CELF4: variants seen among roughly 807,000 people sequenced by gnomAD.
CELF4 encodes the protein CUGBP Elav-like family member 4.
A neutral mutation model predicts 59.9 loss-of-function variants in CELF4; 18 were observed. The ratio of observed to expected loss-of-function variants is 0.30; its 90% confidence interval spans 0.21 to 0.45. The LOEUF is 0.45. Among genes scored for constraint, CELF4 ranks in the 20% least tolerant of loss-of-function variants. The pLI is 1.00. For synonymous variants in CELF4, 261 were observed against 267.1 expected, an observed-to-expected ratio of 0.98 and a Z score of 0.22; for missense variants, 456 against 689.0, an observed-to-expected ratio of 0.66 and a Z score of 3.79.
intron 2 of CELF4, among the ~76,000 whole-genome samples, chr18:37,325,141 G>A (rs2097261252): frequency 6.7e-6 from 1 of 148,470 alleles, no homozygotes; most frequent in Admixed American, 6.9e-5. Context: ...AATCTGTTGG[G>A]CTTTGTCGCT....
chr18:37,503,430 A>G (rs924156458), intron 1 of CELF4, among the ~76,000 whole-genome samples: 1 of 152,174 alleles, frequency 6.6e-6, no homozygotes, highest in African/African-American at 2.4e-5. Flanking sequence ...CCTGCTGTCG[A>G]GTCACGAGTG....
At chr18:37,420,088 C>T (rs1214299040) in intron 2 of CELF4, among the ~76,000 whole-genome samples, 1 of 152,210 alleles carries the variant, frequency 6.6e-6, no homozygotes, top group Non-Finnish European at 1.5e-5. Context: ...GGACCGAGGC[C>T]ATCCAAGCCC....
At chr18:37,311,827 A>G (rs528086672) in intron 3 of CELF4, among the ~76,000 whole-genome samples, 14 of 133,984 alleles carry the variant, frequency 1.0e-4, no homozygotes, top group African/African-American at 3.9e-4. Flanking sequence ...AGGAACAGGG[A>G]TCGTCCGGGC....
intron 2 of CELF4, among the ~76,000 whole-genome samples, chr18:37,407,719 CG>C (rs1261600650): frequency 6.6e-6 from 1 of 151,956 alleles, no homozygotes; most frequent in Admixed American, 6.6e-5. Context: ...GTTTAATATA[CG>C]AAGTGAAATG....
chr18:37,347,492 C>A (rs1482030128), intron 2 of CELF4, among the ~76,000 whole-genome samples: 1 of 152,156 alleles, frequency 6.6e-6, no homozygotes, highest in Non-Finnish European at 1.5e-5. Flanking sequence ...CCCAGAGAGG[C>A]CCTGCCTCAC....
intron 2 of CELF4, among the ~76,000 whole-genome samples, chr18:37,338,759 C>CGTGTGT (rs60532435): frequency 0.07 from 10,104 of 145,276 alleles, 534 homozygotes; most frequent in African/African-American, 0.15. Context: ...ATGCAGGAGC[C>CGTGTGT]GTGTGTGTGT....
chr18:37,376,210 G>A (rs1388037053), intron 2 of CELF4, among the ~76,000 whole-genome samples: 1 of 152,072 alleles, frequency 6.6e-6, no homozygotes, highest in Non-Finnish European at 1.5e-5. Context: ...TTTCCCAAAT[G>A]GCAGCCTCCC....
intron 2 of CELF4, among the ~76,000 whole-genome samples, chr18:37,444,644 A>ACACACACG (rs1557426533): frequency 6.7e-6 from 1 of 149,742 alleles, no homozygotes; most frequent in Non-Finnish European, 1.5e-5. Flanking sequence ...ACACACACAC[A>ACACACACG]CACACACACG....
intron 3 of CELF4, among the ~76,000 whole-genome samples, chr18:37,283,851 A>G (rs2094431427): frequency 2.3e-5 from 2 of 88,832 alleles, no homozygotes; most frequent in South Asian, 8.1e-4. Flanking sequence ...ACTGCGGGCC[A>G]GGGAACAGCA....
At chr18:37,419,342 C>A (rs1305911764) in intron 2 of CELF4, among the ~76,000 whole-genome samples, 1 of 152,160 alleles carries the variant, frequency 6.6e-6, no homozygotes, top group Non-Finnish European at 1.5e-5. Flanking sequence ...GGAGGTTAGT[C>A]CTTCTGGAAT....
intron 2 of CELF4, among the ~76,000 whole-genome samples, chr18:37,414,965 T>A (rs577039292): frequency 1.3e-5 from 2 of 152,342 alleles, no homozygotes; most frequent in Admixed American, 6.5e-5. Context: ...CCTTTCTTAT[T>A]GTACTCAAAG....
intron 2 of CELF4, among the ~76,000 whole-genome samples, chr18:37,440,601 GC>G (rs1478711592): frequency 2.0e-5 from 3 of 152,162 alleles, no homozygotes; most frequent in Non-Finnish European, 4.4e-5. Context: ...AGGAGGTGGG[GC>G]CCACAGGGAA....
intron 2 of CELF4, among the ~76,000 whole-genome samples, chr18:37,400,169 A>G (rs558595530): frequency 7.8e-4 from 119 of 152,324 alleles, no homozygotes; most frequent in African/African-American, 2.7e-3. Flanking sequence ...GGTTTCTTTG[A>G]GGAAGAAGAA....
At chr18:37,351,611 CTTT>C (rs35650061) in intron 2 of CELF4, among the ~76,000 whole-genome samples, 251 of 121,906 alleles carry the variant, frequency 2.1e-3, no homozygotes, top group South Asian at 3.8e-3. Context: ...TCTTCTTCTT[CTTT>C]TTTTTTTTTT....
chr18:37,455,792 G>A (rs559074911), intron 2 of CELF4, among the ~76,000 whole-genome samples: 6 of 152,184 alleles, frequency 3.9e-5, no homozygotes, highest in Non-Finnish European at 8.8e-5. Context: ...GGGACAGGCC[G>A]AGGTTTGGGC....
chr18:37,460,444 C>T (rs1029284094), intron 2 of CELF4, among the ~76,000 whole-genome samples: 2 of 152,172 alleles, frequency 1.3e-5, no homozygotes, highest in Non-Finnish European at 2.9e-5. Context: ...CTGGATTTTC[C>T]TGACTTTCTC....
chr18:37,273,973 C>T, intron 6 of CELF4: 1 of 1,150,258 alleles, frequency 8.7e-7, no homozygotes. Context: ...ATGACCTGAA[C>T]CTCACCCTCT....
intron 1 of CELF4, among the ~76,000 whole-genome samples, chr18:37,547,887 C>T (rs1398821447): frequency 6.6e-6 from 1 of 152,064 alleles, no homozygotes. Flanking sequence ...GTGTGTATCT[C>T]TATGTGCACT....
At chr18:37,426,409 G>C (rs1242393194) in intron 2 of CELF4, among the ~76,000 whole-genome samples, 5 of 152,212 alleles carry the variant, frequency 3.3e-5, no homozygotes, top group Non-Finnish European at 5.9e-5. Context: ...CAGTGGCTGG[G>C]GAGGGGACAC....
Sources: allele counts gnomAD v4.1 joint callset (sites outside exome capture counted in the v4.1 genomes callset), GRCh38; gene constraint gnomAD v4.1.1; transcripts MANE v1.5; gene names NCBI Gene and HGNC (gene_info 2026-07-23, HGNC 2026-07-21).